Variants in DCC observed in about 807,000 individuals in gnomAD.
DCC encodes DCC netrin 1 receptor.
DCC carries 58 observed loss-of-function variants against 172.5 expected under a neutral mutation model. The ratio of observed to expected loss-of-function variants is 0.34; its 90% CI spans 0.27 to 0.42. DCC has a LOEUF of 0.42. Ranked by LOEUF, DCC falls within the 10% of genes least tolerant of loss-of-function variation. The pLI, the probability that DCC is intolerant of heterozygous loss-of-function variation, is 1.00. For missense variants in DCC, 1,740 were observed against 1,791.0 expected (o/e 0.97, Z 0.51); for synonymous variants, 709 against 644.5 (o/e 1.10, Z -1.52).
In DCC at chr18:53,459,287, C is replaced by G. The variant is rs199876013; in HGVS notation, c.3448C>G (p.Pro1150Ala). Residue 1150 changes from proline (P) to alanine (A), a missense_variant, in exon 24 of 29, where the codon CCC (proline) becomes GCC (alanine). By Grantham distance (27) the Pro-to-Ala change is conservative. Transcript: ENST00000442544. ...KRKGSQKDLR[P>A]PDLWIHHEEM... ...GAAGGGCAGCCAGAAGGACCTCCGA[C>G]CCCCTGATCTTTGGATCCATCATGA... is the stretch of plus-strand genomic sequence containing the variant. 102 of 1,614,098 alleles carry G rather than the reference C, an allele frequency of 6.3e-5. No individual in the cohort carries two copies. Among genetic ancestry groups the G allele is most frequent in the Non-Finnish European group, 8.1e-5 (96 of 1,180,006 alleles).
At chr18:52,386,701 A>T (rs8093706) in intron 1 of DCC, among the ~76,000 whole-genome samples, 11 of 151,850 alleles carry the variant, frequency 7.2e-5, no homozygotes, top group African/African-American at 2.7e-4. Flanking sequence ...GGATAAGCAA[A>T]TTTTGGTTTT....
chr18:52,695,889 G>T (rs757750535), intron 1 of DCC, among the ~76,000 whole-genome samples: 1 of 152,094 alleles, frequency 6.6e-6, no homozygotes, highest in Non-Finnish European at 1.5e-5. Context: ...CTGTTGCAAG[G>T]CACCACTGGG....
intron 7 of DCC, among the ~76,000 whole-genome samples, chr18:53,123,108 C>T (rs1243541948): frequency 6.6e-6 from 1 of 152,074 alleles, no homozygotes; most frequent in Non-Finnish European, 1.5e-5. Flanking sequence ...TTCATCAACA[C>T]AGTCTTTGCA....
intron 1 of DCC, among the ~76,000 whole-genome samples, chr18:52,594,986 T>C (rs1159743889): frequency 6.6e-6 from 1 of 152,174 alleles, no homozygotes. Context: ...CTTCTATTTG[T>C]TTGACATTTT....
chr18:52,440,268 A>T (rs1987933650), intron 1 of DCC, among the ~76,000 whole-genome samples: 1 of 152,226 alleles, frequency 6.6e-6, no homozygotes, highest in Non-Finnish European at 1.5e-5. Flanking sequence ...ACTTGAAAAA[A>T]ATCTCTCCTG....
In DCC at chr18:52,677,740, T is replaced by A. The variant is rs555995034; in HGVS notation, c.92-74314T>A. On this transcript the variant is annotated intron_variant, in intron 1 of 28. Coordinates refer to ENST00000442544, the MANE Select transcript of DCC (RefSeq NM_005215.4). ...CTGACAAAATAGAGAAGAAAAAAAA[T>A]TTCTTTCTGAAGAAACTGCCACACT... Among the ~76,000 whole-genome samples the A allele has an allele frequency of 2.4e-4, 36 of 152,198 alleles. No individual in the cohort carries two copies. In the East Asian group the frequency reaches 6.6e-3, roughly 28 times the overall value.
At chr18:53,510,563 C>T (rs995204988) in intron 27 of DCC, among the ~76,000 whole-genome samples, 4 of 152,040 alleles carry the variant, frequency 2.6e-5, no homozygotes, top group African/African-American at 9.7e-5. Flanking sequence ...GAAAGGAGTG[C>T]AAAAACAAGA....
chr18:52,725,627 G>A (rs537281313), intron 1 of DCC, among the ~76,000 whole-genome samples: 1 of 152,292 alleles, frequency 6.6e-6, no homozygotes, highest in East Asian at 1.9e-4. Flanking sequence ...GGTGTTGCCT[G>A]TGGAGGAGGT....
intron 21 of DCC, among the ~76,000 whole-genome samples, chr18:53,423,583 G>A (rs1910751075): frequency 6.6e-6 from 1 of 152,120 alleles, no homozygotes. Context: ...ACTAAGCAAA[G>A]TCTTCTTTGA....
At position 52,818,659 on chromosome 18, in the gene DCC, A is replaced by G. The variant is rs141218373; in HGVS notation, c.412+66285A>G. Among the ~76,000 whole-genome samples, 815 of 152,240 alleles carry G rather than the reference A, an allele frequency of 5.4e-3. 8 individuals are homozygous for G. The highest frequency in any genetic ancestry group is 0.018 in the African/African-American group (751 of 41,548). ...AAAGATCATTAGATCAATGGTCACC[A>G]AACGTTTTATTTAGGTAGCATCTGA... On this transcript the variant is annotated intron_variant, in intron 2 of 28. Transcript: ENST00000442544.
At chr18:53,070,723 G>A (rs1428231985) in intron 7 of DCC, among the ~76,000 whole-genome samples, 1 of 152,160 alleles carries the variant, frequency 6.6e-6, no homozygotes, top group Non-Finnish European at 1.5e-5. Context: ...ATTGTATTTG[G>A]CATTGGATTC....
chr18:52,833,428 A>G (rs1315177656), intron 2 of DCC, among the ~76,000 whole-genome samples: 1 of 152,098 alleles, frequency 6.6e-6, no homozygotes, highest in Non-Finnish European at 1.5e-5. Flanking sequence ...CAATTACAAG[A>G]CCTGTGATAA....
At chr18:53,224,537 C>T (rs149791767) in intron 12 of DCC, among the ~76,000 whole-genome samples, 29 of 152,034 alleles carry the variant, frequency 1.9e-4, no homozygotes, top group East Asian at 7.7e-4. Flanking sequence ...GGGGGTGGAA[C>T]GTAGAGGAAG....
rs182411791 is a variant in DCC at position 53,274,667 on chromosome 18, T to A, written c.1912-30911T>A. Among the ~76,000 whole-genome samples the A allele has an allele frequency of 5.6e-4, 86 of 152,268 alleles. 1 individual carries two copies. The highest frequency in any genetic ancestry group is 1.2e-4 in the Non-Finnish European group (8 of 68,000). On this transcript the variant is annotated intron_variant, in intron 12 of 28. Coordinates refer to ENST00000442544, the MANE Select transcript of DCC (RefSeq NM_005215.4). The stretch of plus-strand genomic sequence containing the variant: ...GGAGGAATTCGTTTGAAAATCCCAG[T>A]TGAACACCTATTCGTATTACAGATG...
At chr18:52,679,290 G>C (rs1266038907) in intron 1 of DCC, among the ~76,000 whole-genome samples, 1 of 151,932 alleles carries the variant, frequency 6.6e-6, no homozygotes, top group South Asian at 2.1e-4. Flanking sequence ...AACACAGGAA[G>C]TATGCTCCCC....
chr18:52,951,863 C>T (rs1354625337), intron 5 of DCC, among the ~76,000 whole-genome samples: 1 of 152,162 alleles, frequency 6.6e-6, no homozygotes, highest in African/African-American at 2.4e-5. Context: ...GTTGGATAGG[C>T]ACCCATGCTT....
chr18:52,941,861 C>A (rs1453715669), intron 5 of DCC, among the ~76,000 whole-genome samples: 3 of 152,068 alleles, frequency 2.0e-5, no homozygotes, highest in Non-Finnish European at 4.4e-5. Context: ...TGGCTCACTG[C>A]AATCTCTGCC....
At chr18:52,397,272 G>A (rs1986266976) in intron 1 of DCC, among the ~76,000 whole-genome samples, 2 of 151,972 alleles carry the variant, frequency 1.3e-5, no homozygotes, top group African/African-American at 4.8e-5. Flanking sequence ...CTAAATTCCT[G>A]GGAGATCTGA....
rs773002338 is a variant in DCC at position 53,339,882 on chromosome 18, G to A, written c.2334G>A (p.Gln778=). 6.2e-6 allele frequency: 10 copies of A among 1,613,704 alleles called. No homozygotes were observed. In the Admixed American group the frequency reaches 1.5e-4, roughly 24 times the overall value. Residue 778 remains glutamine, a synonymous_variant, in exon 15 of 29, where the codon CAG becomes CAA. Coordinates refer to ENST00000442544, the MANE Select transcript of DCC (RefSeq NM_005215.4). ...AGACAGTGCGTGTGGACAGCAAGCA[G>A]CGATATTATTCCATTGAGAGGTTAG... ...YAETVRVDSK[Q]RYYSIERLES... is the part of the protein sequence containing the mutation.
Sources: gnomAD v4.1 joint callset for allele counts (sites outside exome capture counted in the v4.1 genomes callset) on GRCh38, gnomAD v4.1.1 for gene constraint, MANE v1.5 for transcripts, NCBI Gene and HGNC (gene_info 2026-07-23, HGNC 2026-07-21) for gene names.